GOSR2: variants seen among roughly 807,000 people sequenced by gnomAD.
GOSR2 encodes 27 kDa Golgi SNARE protein.
Under a neutral mutation model 27.9 loss-of-function variants are expected in GOSR2, and 20 were observed. That is an observed-to-expected ratio of 0.72 (90% CI 0.50 to 1.04). The LOEUF (loss-of-function observed/expected upper bound fraction) is 1.04, where lower values mean the gene tolerates loss of function less well. Ranked by LOEUF, GOSR2 falls within the 50% of genes least tolerant of loss-of-function variation. The probability of loss-of-function intolerance (pLI) is 0.00; values close to 1 mark genes in which losing one functional copy is unlikely to be tolerated. For missense variants in GOSR2, 261 were observed against 270.5 expected, an observed-to-expected ratio of 0.97 and a Z score of 0.25; for synonymous variants, 91 against 98.8, an observed-to-expected ratio of 0.92 and a Z score of 0.47.
chr17:46,941,834 C>T lies in GOSR2; in HGVS notation c.*3074C>T. On this transcript the variant is annotated 3_prime_UTR_variant, in exon 6 of 6. Coordinates refer to ENST00000640051, the MANE Select transcript of GOSR2 (RefSeq NM_004287.5). ...CTCCTGGCCTCAAGTGATCTGCCTGCTTCGGCCTCCCAAAGTTCTAGGGTT... is the reference window on the plus strand; with the variant it reads ...CTCCTGGCCTCAAGTGATCTGCCTGTTTCGGCCTCCCAAAGTTCTAGGGTT... The T allele has an allele frequency of 1.6e-6, 1 of 616,218 alleles. No individual in the cohort carries two copies. 38.2% of individuals were successfully genotyped at this position (616,218 alleles called of 1,614,324 possible). A position where few individuals can be genotyped will look rare whatever the true frequency, so the allele number is the denominator to read the frequency against.
chr17:46,948,218 T>C (rs2090065145), intron 6 of GOSR2, among the ~76,000 whole-genome samples: 3 of 152,172 alleles, frequency 2.0e-5, no homozygotes, highest in Non-Finnish European at 2.9e-5. Context: ...CTTTTGGAGA[T>C]GAATAATGCC....
chr17:46,923,427 C>A (rs1452712391), intron 1 of GOSR2: 2 of 1,433,478 alleles, frequency 1.4e-6, no homozygotes, highest in Admixed American at 5.7e-5. Context: ...GGCCTGGAGA[C>A]GTGGGGCAGA....
chr17:46,954,464 C>A (rs4602097), intron 6 of GOSR2, among the ~76,000 whole-genome samples: 1 of 151,976 alleles, frequency 6.6e-6, no homozygotes, highest in African/African-American at 2.4e-5. Flanking sequence ...TGAAATCAGG[C>A]AGTGTGATGC....
At chr17:46,953,252 G>T (rs1194863427) in intron 6 of GOSR2, among the ~76,000 whole-genome samples, 1 of 151,516 alleles carries the variant, frequency 6.6e-6, no homozygotes, top group African/African-American at 2.4e-5. Context: ...CTGTGTCCAT[G>T]TGTTCTCATT....
chr17:46,940,939 AAC>A lies in GOSR2; in HGVS notation c.*2181_*2182del. ...CCTGGTGAAAAATAGACCTTGGCCT[AAC>A]AGTGTGACTCTCTCCACCGCCTCAG... On this transcript the variant is annotated 3_prime_UTR_variant, in exon 6 of 6. Transcript: ENST00000640051. 1 of 1,276,780 alleles carries A rather than the reference AAC, an allele frequency of 7.8e-7. No individual in the cohort carries two copies. Among genetic ancestry groups the A allele is most frequent in the Non-Finnish European group, 1.0e-6 (1 of 999,798 alleles). The allele number at this position is 1,276,780 out of a possible 1,614,324, so 79.1% of individuals were successfully genotyped here.
chr17:46,961,653 A>T (rs1052015428), intron 6 of GOSR2, among the ~76,000 whole-genome samples: 15 of 152,348 alleles, frequency 9.8e-5, no homozygotes, highest in Admixed American at 3.9e-4. Flanking sequence ...CGTCTGTAAA[A>T]AGATTATATT....
rs1568189148 is a variant in GOSR2, at chr17:46,941,253, C to T, written c.*2493C>T. 2.0e-6 allele frequency: 2 copies of T among 991,486 alleles called. No homozygotes were observed. Among genetic ancestry groups the T allele is most frequent in the South Asian group, 4.6e-5 (1 of 21,914 alleles). The allele number at this position is 991,486 out of a possible 1,614,324, so 61.4% of individuals were successfully genotyped here. ...TTAGACTTCACTGCGGAGTTCTGTA[C>T]ACCCTTTGCCCTGATGAATTTGAAT... On this transcript the variant is annotated 3_prime_UTR_variant, in exon 6 of 6. Transcript: ENST00000640051.
intron 5 of GOSR2, chr17:46,936,111 C>T (rs2088293104): frequency 1.0e-6 from 1 of 985,786 alleles, no homozygotes; most frequent in Non-Finnish European, 1.2e-6. Flanking sequence ...CTGACAGTTG[C>T]AGTGTCTCAG....
In GOSR2 at chr17:46,925,957, A is replaced by G. The variant is rs553761936; in HGVS notation, c.29+2736A>G. 1.4e-3 allele frequency among the ~76,000 whole-genome samples: 220 copies of G among 152,308 alleles called. 1 individual carries two copies. Among genetic ancestry groups the G allele is most frequent in the African/African-American group, 4.7e-3 (197 of 41,562 alleles). ...CCAGGCTTCTATTTTTGAGATCCCAATGGTTGTAAAGGTGACCACATTTGT... is the reference window on the plus strand; with the variant it reads ...CCAGGCTTCTATTTTTGAGATCCCAGTGGTTGTAAAGGTGACCACATTTGT... On this transcript the variant is annotated intron_variant, in intron 1 of 5. Transcript: ENST00000640051.
At chr17:46,935,709 G>A in intron 5 of GOSR2, 1 of 989,264 alleles carries the variant, frequency 1.0e-6, no homozygotes, top group Non-Finnish European at 1.2e-6. Context: ...GGTGATCCCA[G>A]CGACTCTTCA....
chr17:46,938,980 T>C lies in GOSR2; in HGVS notation c.*220T>C. Reference sequence around the variant, plus strand: ...ACCACCATGCGCGGTGCTTAGGAAATGAAAGAAGTCCCGGGTCTGTCTCTC... The same window carrying C: ...ACCACCATGCGCGGTGCTTAGGAAACGAAAGAAGTCCCGGGTCTGTCTCTC... On this transcript the variant is annotated 3_prime_UTR_variant, in exon 6 of 6. Coordinates refer to ENST00000640051, the MANE Select transcript of GOSR2 (RefSeq NM_004287.5). 7.1e-7 allele frequency: 1 copy of C among 1,413,886 alleles called. No homozygotes were observed. Among genetic ancestry groups the C allele is most frequent in the Middle Eastern group, 2.6e-4 (1 of 3,790 alleles). 87.6% of individuals were successfully genotyped at this position (1,413,886 alleles called of 1,614,324 possible). A position where few individuals can be genotyped will look rare whatever the true frequency, so the allele number is the denominator to read the frequency against.
At chr17:46,957,389 G>A (rs1417233686) in intron 6 of GOSR2, among the ~76,000 whole-genome samples, 1 of 152,178 alleles carries the variant, frequency 6.6e-6, no homozygotes, top group African/African-American at 2.4e-5. Context: ...GAGGCAGGTG[G>A]ATCACTTGAG....
At chr17:46,960,000 C>T (rs2090962011) in intron 6 of GOSR2, among the ~76,000 whole-genome samples, 1 of 152,166 alleles carries the variant, frequency 6.6e-6, no homozygotes, top group African/African-American at 2.4e-5. Flanking sequence ...CAGTAGAGTC[C>T]AGAAACTTGG....
At chr17:46,931,301 A>G (rs921113010) in intron 3 of GOSR2, 94 bp downstream of exon 3, 24 of 753,790 alleles carry the variant, frequency 3.2e-5, no homozygotes, top group African/African-American at 1.4e-4. Context: ...CTGAAAACCA[A>G]CGTACATGTT....
intron 6 of GOSR2, among the ~76,000 whole-genome samples, chr17:46,954,674 C>G (rs1334172813): frequency 6.6e-6 from 1 of 152,270 alleles, no homozygotes; most frequent in Non-Finnish European, 1.5e-5. Context: ...AATGTTCTTC[C>G]ATTTGTTTGT....
intron 5 of GOSR2, chr17:46,935,446 C>T: frequency 7.1e-7 from 1 of 1,410,720 alleles, no homozygotes; most frequent in African/African-American, 1.4e-5. Flanking sequence ...AAAGTGAGTG[C>T]TACTACGAGG....
intron 6 of GOSR2, among the ~76,000 whole-genome samples, chr17:46,949,645 G>A (rs2090180222): frequency 6.6e-6 from 1 of 152,180 alleles, no homozygotes; most frequent in African/African-American, 2.4e-5. Flanking sequence ...GCAATAAAGT[G>A]CACAAACCGT....
intron 6 of GOSR2, among the ~76,000 whole-genome samples, chr17:46,961,830 G>C (rs758725369): frequency 6.6e-6 from 1 of 152,178 alleles, no homozygotes; most frequent in Non-Finnish European, 1.5e-5. Context: ...AATGCCTACT[G>C]TATGCAGAGC....
intron 5 of GOSR2, 60 bp downstream of exon 5, chr17:46,935,229 T>G (rs775869200): frequency 1.9e-6 from 3 of 1,605,472 alleles, no homozygotes. Context: ...TCCAACAGTT[T>G]AGTAACTGTG....
Sources: gnomAD v4.1 joint callset for allele counts (sites outside exome capture counted in the v4.1 genomes callset) on GRCh38, gnomAD v4.1.1 for gene constraint, MANE v1.5 for transcripts, NCBI Gene and HGNC (gene_info 2026-07-23, HGNC 2026-07-21) for gene names.